Variants in ACTN4 observed in about 807,000 individuals in gnomAD.
The protein encoded by ACTN4 is alpha-actinin-4.
ACTN4 carries 18 observed loss-of-function variants against 114.2 expected under a neutral mutation model. The ratio of observed to expected loss-of-function variants is 0.16; its 90% confidence interval spans 0.11 to 0.23. ACTN4 has a LOEUF of 0.23. Ranked by LOEUF, ACTN4 falls within the 10% of genes least tolerant of loss-of-function variation. The pLI is 1.00. For synonymous variants in ACTN4, 515 were observed against 506.3 expected, an observed-to-expected ratio of 1.02 and a Z score of -0.23; for missense variants, 722 against 1,262.9, an observed-to-expected ratio of 0.57 and a Z score of 6.49.
chr19:38,711,231 C>G (rs1968639763), intron 8 of ACTN4: 1 of 953,358 alleles, frequency 1.0e-6, no homozygotes, highest in Admixed American at 6.0e-5. Flanking sequence ...CTGCGTCTTT[C>G]ACTCTCTCCT....
chr19:38,711,853 G>A (rs1445606074), intron 8 of ACTN4, among the ~76,000 whole-genome samples: 1 of 152,228 alleles, frequency 6.6e-6, no homozygotes, highest in Non-Finnish European at 1.5e-5. Context: ...GCCCTCCAGA[G>A]GCCAGGCAGA....
intron 1 of ACTN4, among the ~76,000 whole-genome samples, chr19:38,681,414 C>G (rs1438711809): frequency 9.9e-5 from 15 of 152,144 alleles, no homozygotes; most frequent in Admixed American, 9.8e-4. Context: ...TCTCCACCCC[C>G]CACTGCCCAG....
intron 1 of ACTN4, among the ~76,000 whole-genome samples, chr19:38,661,692 G>C (rs949815070): frequency 6.6e-6 from 1 of 151,998 alleles, no homozygotes; most frequent in African/African-American, 2.4e-5. Context: ...TCACTCTGTT[G>C]CCCAGGCTGG....
intron 4 of ACTN4, 24 bp downstream of exon 4, chr19:38,705,044 C>T (rs749014200): frequency 3.1e-6 from 5 of 1,601,586 alleles, no homozygotes; most frequent in Non-Finnish European, 4.3e-6. Flanking sequence ...GTACTGCCCC[C>T]GCTTCCCACC....
chr19:38,699,221 G>C (rs1214647635), intron 1 of ACTN4, among the ~76,000 whole-genome samples: 1 of 152,206 alleles, frequency 6.6e-6, no homozygotes, highest in Admixed American at 6.5e-5. Context: ...CCAGCTTGCA[G>C]GGGGCTGAGT....
Position 38,670,934 on chromosome 19 carries a change from A to C in ACTN4, c.162+23027A>C, listed in dbSNP as rs983690693. Among the ~76,000 whole-genome samples, 17 of 151,922 alleles carry C rather than the reference A, an allele frequency of 1.1e-4. No individual in the cohort carries two copies. The East Asian group carries it at 1.7e-3, about 16-fold the overall frequency. ...AATACTCCAACTTAAAAAAAAAAAA[A>C]AAAACCTGCAGGCCATACAAAATAG... On this transcript the variant is annotated intron_variant, in intron 1 of 20. Transcript: ENST00000252699.
In ACTN4 at chr19:38,731,319, CAG is replaced by C; in HGVS notation, c.*1888_*1889del. 1.1e-6 allele frequency: 1 copy of C among 895,510 alleles called. No homozygotes were observed. The allele number at this position is 895,510 out of a possible 1,614,324, so 55.5% of individuals were successfully genotyped here. On this transcript the variant is annotated 3_prime_UTR_variant, in exon 21 of 21. Transcript: ENST00000252699. Reference sequence around the variant, plus strand: ...CTCCTCAGGGAGGACATGAATGCCACAGGGTGTCACACCCCAACTCTGCCCCA... The same window carrying C: ...CTCCTCAGGGAGGACATGAATGCCACGGTGTCACACCCCAACTCTGCCCCA...
chr19:38,700,228 C>T (rs994474741), intron 1 of ACTN4, among the ~76,000 whole-genome samples: 2 of 152,104 alleles, frequency 1.3e-5, no homozygotes, highest in African/African-American at 2.4e-5. Context: ...CTGAGTGAGC[C>T]GGCGGCGGGC....
chr19:38,681,594 C>T (rs115060312), intron 1 of ACTN4, among the ~76,000 whole-genome samples: 3,306 of 152,298 alleles, frequency 0.022, 48 homozygotes, highest in Middle Eastern at 0.034. Flanking sequence ...ATCGCAATCG[C>T]GCTCTCCTTT....
chr19:38,693,911 T>C (rs1375795644), intron 1 of ACTN4, among the ~76,000 whole-genome samples: 2 of 152,224 alleles, frequency 1.3e-5, no homozygotes, highest in African/African-American at 4.8e-5. Context: ...ACTGACAAGC[T>C]TGCCTTTCTC....
At chr19:38,674,376 A>G (rs1048949307) in intron 1 of ACTN4, among the ~76,000 whole-genome samples, 1 of 152,190 alleles carries the variant, frequency 6.6e-6, no homozygotes, top group Non-Finnish European at 1.5e-5. Flanking sequence ...CTTGGATTTT[A>G]TTCTAGCTGC....
At chr19:38,723,890 T>G (rs766079586) in intron 13 of ACTN4, 47 bp from the exon 14 acceptor site, 7 of 1,465,466 alleles carry the variant, frequency 4.8e-6, no homozygotes, top group Non-Finnish European at 5.6e-6. Context: ...GCTCACATAC[T>G]GACCTGCCTT....
At chr19:38,695,208 C>T (rs1385804762) in intron 1 of ACTN4, among the ~76,000 whole-genome samples, 3 of 152,188 alleles carry the variant, frequency 2.0e-5, no homozygotes, top group Non-Finnish European at 4.4e-5. Flanking sequence ...GTTTTGCTTC[C>T]TCCTGTGTCC....
intron 1 of ACTN4, among the ~76,000 whole-genome samples, chr19:38,682,662 T>C (rs149557947): frequency 6.6e-6 from 1 of 152,326 alleles, no homozygotes; most frequent in East Asian, 1.9e-4. Flanking sequence ...GAAATCTGGC[T>C]GTGCTCCTCC....
chr19:38,653,219 T>A (rs1459898553), intron 1 of ACTN4, among the ~76,000 whole-genome samples: 1 of 152,184 alleles, frequency 6.6e-6, no homozygotes, highest in Non-Finnish European at 1.5e-5. Flanking sequence ...GCGCCCTTTT[T>A]CAGAGTGAAC....
At chr19:38,666,576 G>T (rs973868997) in intron 1 of ACTN4, among the ~76,000 whole-genome samples, 1 of 152,230 alleles carries the variant, frequency 6.6e-6, no homozygotes, top group African/African-American at 2.4e-5. Flanking sequence ...ACACAGGTCC[G>T]CAGTGGGAGC....
chr19:38,699,741 C>T (rs961716483), intron 1 of ACTN4, among the ~76,000 whole-genome samples: 3 of 146,452 alleles, frequency 2.0e-5, no homozygotes, highest in East Asian at 2.1e-4. Context: ...GGTGACAGAG[C>T]GAGACTCCTT....
chr19:38,673,784 ATTTTTTT>A (rs58144950), intron 1 of ACTN4, among the ~76,000 whole-genome samples: 5 of 67,848 alleles, frequency 7.4e-5, no homozygotes, highest in African/African-American at 1.1e-4. Context: ...TATATGTATA[ATTTTTTT>A]TTTTTTTTTT....
At chr19:38,665,008 C>T (rs1456519333) in intron 1 of ACTN4, among the ~76,000 whole-genome samples, 2 of 152,110 alleles carry the variant, frequency 1.3e-5, no homozygotes, top group African/African-American at 4.8e-5. Context: ...TGATAGCACC[C>T]AGCCTACCCA....
Sources: gnomAD v4.1 joint callset for allele counts (sites outside exome capture counted in the v4.1 genomes callset) on GRCh38, gnomAD v4.1.1 for gene constraint, MANE v1.5 for transcripts, NCBI Gene and HGNC (gene_info 2026-07-23, HGNC 2026-07-21) for gene names.